The following GRIK2 variants were observed in gnomAD, a reference collection of about 807,000 sequenced individuals.
The protein encoded by GRIK2 is glutamate ionotropic receptor kainate type subunit 2.
GRIK2 carries 32 observed loss-of-function variants against 100.3 expected under a neutral mutation model. The observed-to-expected ratio is 0.32, with a 90% CI of 0.24 to 0.43. The LOEUF is 0.43. Ranked by LOEUF, GRIK2 falls within the 20% of genes least tolerant of loss-of-function variation. The pLI, the probability that GRIK2 is intolerant of heterozygous loss-of-function variation, is 1.00. For synonymous variants in GRIK2, 417 were observed against 389.4 expected, an observed-to-expected ratio of 1.07 and a Z score of -0.83; for missense variants, 843 against 1,114.9, an observed-to-expected ratio of 0.76 and a Z score of 3.47.
intron 7 of GRIK2, among the ~76,000 whole-genome samples, chr6:101,794,766 T>C (rs1780171268): frequency 6.6e-6 from 1 of 152,132 alleles, no homozygotes; most frequent in African/African-American, 2.4e-5. Flanking sequence ...ATTATTGTGC[T>C]CCTTTAGAGG....
intron 7 of GRIK2, among the ~76,000 whole-genome samples, chr6:101,697,000 A>G (rs1441695535): frequency 6.6e-6 from 1 of 152,012 alleles, no homozygotes; most frequent in Non-Finnish European, 1.5e-5. Context: ...TCATACATAG[A>G]GGTCACAAGC....
intron 2 of GRIK2, among the ~76,000 whole-genome samples, chr6:101,558,870 T>C (rs1776865763): frequency 6.6e-6 from 1 of 152,126 alleles, no homozygotes. Context: ...AATGTGATTT[T>C]TTTTCTTTTT....
At chr6:102,017,951 C>T (rs956775051) in intron 14 of GRIK2, among the ~76,000 whole-genome samples, 1 of 152,124 alleles carries the variant, frequency 6.6e-6, no homozygotes, top group Non-Finnish European at 1.5e-5. Context: ...CCATTAAAGG[C>T]CATAGAAAAA....
chr6:101,569,845 A>G (rs146244247), intron 2 of GRIK2, among the ~76,000 whole-genome samples: 322 of 152,262 alleles, frequency 2.1e-3, no homozygotes, highest in Middle Eastern at 6.8e-3. Flanking sequence ...CTGCCTGGAT[A>G]TATTTATTTT....
At chr6:101,728,533 GA>G (rs1775030117) in intron 7 of GRIK2, among the ~76,000 whole-genome samples, 1 of 152,034 alleles carries the variant, frequency 6.6e-6, no homozygotes, top group African/African-American at 2.4e-5. Flanking sequence ...TAGAGTGGTT[GA>G]AAGCATGGGC....
At chr6:101,799,009 T>G (rs2128412994) in intron 7 of GRIK2, among the ~76,000 whole-genome samples, 1 of 152,250 alleles carries the variant, frequency 6.6e-6, no homozygotes, top group Non-Finnish European at 1.5e-5. Context: ...GAGATTAAGC[T>G]TAGTTTCTTG....
At chr6:101,480,342 C>T (rs1245522168) in intron 2 of GRIK2, among the ~76,000 whole-genome samples, 2 of 152,072 alleles carry the variant, frequency 1.3e-5, no homozygotes, top group African/African-American at 2.4e-5. Context: ...TCAGTCAATC[C>T]TGCTATTAAA....
At chr6:101,532,997 A>G (rs1775518847) in intron 2 of GRIK2, among the ~76,000 whole-genome samples, 1 of 151,914 alleles carries the variant, frequency 6.6e-6, no homozygotes. Flanking sequence ...AGGCTAAAAT[A>G]AATAAGTTGA....
chr6:101,398,822 T>C (rs1179272794), intron 1 of GRIK2, 163 bp from the exon 2 acceptor site: 1 of 391,900 alleles, frequency 2.6e-6, no homozygotes, highest in African/African-American at 2.1e-5. Context: ...TCACTTAATC[T>C]TGGCTTCACG....
At chr6:101,589,014 T>C (rs1374602439) in intron 2 of GRIK2, among the ~76,000 whole-genome samples, 1 of 152,022 alleles carries the variant, frequency 6.6e-6, no homozygotes, top group Non-Finnish European at 1.5e-5. Flanking sequence ...ATTAATATAA[T>C]GATTATGTCA....
At chr6:101,925,360 CAT>C (rs1789819917) in intron 13 of GRIK2, among the ~76,000 whole-genome samples, 1 of 151,336 alleles carries the variant, frequency 6.6e-6, no homozygotes, top group Non-Finnish European at 1.5e-5. Context: ...TGAGATAATA[CAT>C]GTACTAATAC....
At chr6:101,922,351 C>T (rs906562582) in intron 12 of GRIK2, among the ~76,000 whole-genome samples, 3 of 151,982 alleles carry the variant, frequency 2.0e-5, no homozygotes, top group Non-Finnish European at 4.4e-5. Context: ...TATGAAAAAA[C>T]TAGTGATCTC....
intron 9 of GRIK2, among the ~76,000 whole-genome samples, chr6:101,805,076 G>A (rs1292286177): frequency 4.6e-5 from 7 of 151,846 alleles, no homozygotes. Context: ...TGAGGCAACA[G>A]CAGTTATCTG....
chr6:101,613,240 A>C (rs1045995558), intron 2 of GRIK2, among the ~76,000 whole-genome samples: 1 of 151,746 alleles, frequency 6.6e-6, no homozygotes, highest in Non-Finnish European at 1.5e-5. Context: ...ACCATTACCT[A>C]GTTTAACAAT....
chr6:102,022,121 G>C (rs1366774916), intron 14 of GRIK2, among the ~76,000 whole-genome samples: 1 of 141,820 alleles, frequency 7.1e-6, no homozygotes, highest in Non-Finnish European at 1.5e-5. Flanking sequence ...TTTTAAATGA[G>C]TCTGTCTATA....
chr6:101,470,185 G>A (rs955683403), intron 2 of GRIK2, among the ~76,000 whole-genome samples: 13 of 152,054 alleles, frequency 8.5e-5, no homozygotes, highest in African/African-American at 3.1e-4. Flanking sequence ...TGTCCCAGTG[G>A]CTTCACCGGA....
At chr6:101,499,471 A>G (rs1472682598) in intron 2 of GRIK2, among the ~76,000 whole-genome samples, 1 of 152,126 alleles carries the variant, frequency 6.6e-6, no homozygotes, top group African/African-American at 2.4e-5. Flanking sequence ...GCTTAGGACT[A>G]TATTGGTTTA....
intron 9 of GRIK2, among the ~76,000 whole-genome samples, chr6:101,806,277 T>G (rs1258535098): frequency 6.6e-6 from 1 of 152,098 alleles, no homozygotes; most frequent in Non-Finnish European, 1.5e-5. Context: ...TTTCCAAGCT[T>G]GAATTCTTCT....
intron 7 of GRIK2, among the ~76,000 whole-genome samples, chr6:101,789,035 T>G (rs1779637190): frequency 6.6e-6 from 1 of 152,210 alleles, no homozygotes; most frequent in African/African-American, 2.4e-5. Flanking sequence ...TTCATATCCT[T>G]CGCCCACTTT....
Sources: allele counts gnomAD v4.1 joint callset (sites outside exome capture counted in the v4.1 genomes callset), GRCh38; gene constraint gnomAD v4.1.1; transcripts MANE v1.5; gene names NCBI Gene and HGNC (gene_info 2026-07-23, HGNC 2026-07-21).